ZNF475: variants seen among roughly 807,000 people sequenced by gnomAD.
ZNF475 encodes the protein zinc finger protein 475.
chr5:122,164,327 A>G, the ZNF475 span, among the ~76,000 whole-genome samples: 3 of 152,182 alleles, frequency 2.0e-5, no homozygotes, highest in African/African-American at 7.2e-5. Context: ...ATTCACATTT[A>G]AAACTTTTAA....
the ZNF475 span, among the ~76,000 whole-genome samples, chr5:122,165,866 T>C: frequency 6.6e-6 from 1 of 152,214 alleles, no homozygotes; most frequent in Non-Finnish European, 1.5e-5. Context: ...TTCATTTGCA[T>C]ACATATTTAG....
the ZNF475 span, chr5:122,179,403 CCT>C: frequency 2.9e-6 from 1 of 345,498 alleles, no homozygotes; most frequent in African/African-American, 2.1e-5. Flanking sequence ...TTGTTTGTGT[CCT>C]CTCTTATTTC....
chr5:122,166,982 C>T, the ZNF475 span, among the ~76,000 whole-genome samples: 1 of 152,210 alleles, frequency 6.6e-6, no homozygotes, highest in South Asian at 2.1e-4. Flanking sequence ...GTGTTTTAGA[C>T]ATGAAGTCCT....
chr5:122,163,854 A>G, the ZNF475 span, among the ~76,000 whole-genome samples: 1 of 152,196 alleles, frequency 6.6e-6, no homozygotes, highest in African/African-American at 2.4e-5. Flanking sequence ...TTGCCTAAGG[A>G]TAGGCTTCAA....
the ZNF475 span, among the ~76,000 whole-genome samples, chr5:122,174,067 C>T: frequency 6.6e-6 from 1 of 152,224 alleles, no homozygotes; most frequent in African/African-American, 2.4e-5. Flanking sequence ...ACATAACCTC[C>T]TCAGCCACCC....
At chr5:122,168,634 A>G in the ZNF475 span, among the ~76,000 whole-genome samples, 2 of 152,250 alleles carry the variant, frequency 1.3e-5, no homozygotes, top group Admixed American at 1.3e-4. Flanking sequence ...AATGGCGTGA[A>G]CCCAGGAGGC....
the ZNF475 span, among the ~76,000 whole-genome samples, chr5:122,169,147 T>G: frequency 2.0e-5 from 3 of 152,244 alleles, no homozygotes; most frequent in Non-Finnish European, 2.9e-5. Flanking sequence ...GTTCACATAC[T>G]ACAGTACTAT....
chr5:122,179,051 G>A, the ZNF475 span, among the ~76,000 whole-genome samples: 3 of 152,106 alleles, frequency 2.0e-5, no homozygotes, highest in East Asian at 1.9e-4. Flanking sequence ...GGTTGTAGAT[G>A]TGTGGCATTA....
the ZNF475 span, among the ~76,000 whole-genome samples, chr5:122,174,189 G>T: frequency 6.6e-6 from 1 of 151,080 alleles, no homozygotes. Flanking sequence ...TCTTCTTTCC[G>T]TTCCTTCTCT....
the ZNF475 span, among the ~76,000 whole-genome samples, chr5:122,177,902 C>T: frequency 7.2e-5 from 11 of 152,044 alleles, no homozygotes; most frequent in African/African-American, 2.2e-4. Flanking sequence ...CCTAGCCCAC[C>T]GCCCCCAACA....
the ZNF475 span, among the ~76,000 whole-genome samples, chr5:122,161,006 G>A: frequency 3.3e-5 from 5 of 152,146 alleles, no homozygotes; most frequent in African/African-American, 1.2e-4. Context: ...TTGAAACAGA[G>A]GTGACTGTCC....
the ZNF475 span, among the ~76,000 whole-genome samples, chr5:122,178,991 G>A: frequency 6.6e-6 from 1 of 152,100 alleles, no homozygotes; most frequent in African/African-American, 2.4e-5. Context: ...ATTGAATAGG[G>A]AATCCTTTCC....
chr5:122,169,600 G>A, the ZNF475 span, among the ~76,000 whole-genome samples: 1 of 152,182 alleles, frequency 6.6e-6, no homozygotes, highest in African/African-American at 2.4e-5. Flanking sequence ...ACTTTAGTCT[G>A]TAGCCACAGA....
the ZNF475 span, among the ~76,000 whole-genome samples, chr5:122,173,055 A>T: frequency 2.0e-5 from 3 of 152,288 alleles, no homozygotes; most frequent in Admixed American, 6.5e-5. Flanking sequence ...AGAAATGAAC[A>T]AATGTGGAGT....
chr5:122,182,166 A>C, the ZNF475 span, among the ~76,000 whole-genome samples: 1 of 152,240 alleles, frequency 6.6e-6, no homozygotes, highest in Admixed American at 6.5e-5. Context: ...AAAGATGTTA[A>C]TAATTAGTGA....
the ZNF475 span, chr5:122,182,549 C>T: frequency 1.3e-6 from 2 of 1,534,882 alleles, no homozygotes; most frequent in Non-Finnish European, 1.7e-6. Context: ...GTGCCCACAG[C>T]CAGTTGGTTC....
the ZNF475 span, among the ~76,000 whole-genome samples, chr5:122,169,231 G>A: frequency 0.21 from 32,615 of 152,148 alleles, 4,286 homozygotes; most frequent in African/African-American, 0.35. Context: ...GTACAGTTCT[G>A]CCATTCAATA....
the ZNF475 span, among the ~76,000 whole-genome samples, chr5:122,176,279 A>G: frequency 6.6e-6 from 1 of 151,692 alleles, no homozygotes; most frequent in African/African-American, 2.4e-5. Flanking sequence ...CTATCTATAG[A>G]ATTTTCATGG....
the ZNF475 span, among the ~76,000 whole-genome samples, chr5:122,166,469 A>C: frequency 1.3e-5 from 2 of 151,952 alleles, no homozygotes; most frequent in Non-Finnish European, 2.9e-5. Context: ...TATATTAGGT[A>C]TATCTCCTAA....
Sources: gnomAD v4.1 joint callset for allele counts (sites outside exome capture counted in the v4.1 genomes callset) on GRCh38, gnomAD v4.1.1 for gene constraint, MANE v1.5 for transcripts, NCBI Gene and HGNC (gene_info 2026-07-23, HGNC 2026-07-21) for gene names.